KIRREL1: variants seen among roughly 807,000 people sequenced by gnomAD.
KIRREL1 encodes kirre like nephrin family adhesion molecule 1.
KIRREL1 carries 25 observed loss-of-function variants against 83.3 expected under a neutral mutation model. The ratio of observed to expected loss-of-function variants is 0.30; its 90% confidence interval spans 0.22 to 0.42. KIRREL1 has a LOEUF of 0.42. KIRREL1 is among the 10% of genes least tolerant of loss of function. The pLI, the probability that KIRREL1 is intolerant of heterozygous loss-of-function variation, is 1.00. For synonymous variants in KIRREL1, 388 were observed against 410.4 expected, an observed-to-expected ratio of 0.95 and a Z score of 0.66; for missense variants, 812 against 1,032.3, an observed-to-expected ratio of 0.79 and a Z score of 2.92.
At chr1:158,031,122 A>G (rs1280367864) in intron 1 of KIRREL1, 2 of 152,204 alleles carry the variant, frequency 1.3e-5, no homozygotes, top group Non-Finnish European at 2.9e-5. Flanking sequence ...ACATCATCGG[A>G]ACAGGGATAT....
At chr1:158,075,364 A>G (rs1013022758) in intron 1 of KIRREL1, among the ~76,000 whole-genome samples, 1 of 152,218 alleles carries the variant, frequency 6.6e-6, no homozygotes, top group African/African-American at 2.4e-5. Context: ...CAGCTCCCAC[A>G]GTGAAGGAGG....
chr1:157,994,942 C>T (rs1358100266), intron 1 of KIRREL1, among the ~76,000 whole-genome samples: 2 of 152,128 alleles, frequency 1.3e-5, no homozygotes, highest in African/African-American at 2.4e-5. Flanking sequence ...TGTATGCAGG[C>T]GTTTACAAGG....
chr1:158,022,796 A>G (rs1660036577), intron 1 of KIRREL1, among the ~76,000 whole-genome samples: 1 of 152,192 alleles, frequency 6.6e-6, no homozygotes, highest in Non-Finnish European at 1.5e-5. Context: ...TCCTCTCCAC[A>G]TCTGCATCTG....
At chr1:158,010,688 T>G (rs1393008354) in intron 1 of KIRREL1, among the ~76,000 whole-genome samples, 3 of 152,172 alleles carry the variant, frequency 2.0e-5, no homozygotes, top group Non-Finnish European at 1.5e-5. Flanking sequence ...CTGGGAACTT[T>G]TGCCAGCAAG....
intron 1 of KIRREL1, among the ~76,000 whole-genome samples, chr1:158,071,522 C>T (rs370740774): frequency 2.6e-4 from 40 of 152,326 alleles, no homozygotes; most frequent in African/African-American, 6.7e-4. Flanking sequence ...AAAACATACG[C>T]GCAGAATCTC....
chr1:158,058,513 A>G (rs957551113), intron 1 of KIRREL1, among the ~76,000 whole-genome samples: 3 of 152,022 alleles, frequency 2.0e-5, no homozygotes, highest in African/African-American at 7.2e-5. Flanking sequence ...CCCCTCCCTC[A>G]AAGTGACCCC....
intron 8 of KIRREL1, 24 bp downstream of exon 8, chr1:158,088,478 T>TA (rs1280842209): frequency 1.2e-5 from 2 of 168,916 alleles, no homozygotes; most frequent in South Asian, 1.1e-4. Context: ...TGCCTGTTCT[T>TA]TTTTTTTTTT....
intron 1 of KIRREL1, among the ~76,000 whole-genome samples, chr1:158,054,953 T>G (rs1193064313): frequency 6.6e-6 from 1 of 152,018 alleles, no homozygotes; most frequent in African/African-American, 2.4e-5. Context: ...GGGCGGTGCA[T>G]TTTTATTGAG....
At chr1:158,002,659 T>C (rs1047590089) in intron 1 of KIRREL1, among the ~76,000 whole-genome samples, 4 of 152,106 alleles carry the variant, frequency 2.6e-5, no homozygotes, top group African/African-American at 9.7e-5. Flanking sequence ...TATAAACACA[T>C]ATTGACAATT....
rs146618351 is a variant in KIRREL1 at position 158,078,019 on chromosome 1, C to A, written c.231C>A (p.Ser77=). ...GGCCACGGTACCGGGTTGTGGGCTCCGCAGACGCTGGGCAGTACAACCTGG... is the reference window on the plus strand; with the variant it reads ...GGCCACGGTACCGGGTTGTGGGCTCAGCAGACGCTGGGCAGTACAACCTGG... The part of the protein sequence containing the change: ...KAWPRYRVVG[S]ADAGQYNLEI... Residue 77 remains serine (S), a synonymous_variant, in exon 3 of 15, where the codon TCC becomes TCA. Transcript: ENST00000359209. 31 of 1,614,172 alleles carry A rather than the reference C, an allele frequency of 1.9e-5. No homozygotes were observed. Among genetic ancestry groups the A allele is most frequent in the Non-Finnish European group, 2.5e-5 (30 of 1,180,028 alleles).
intron 1 of KIRREL1, among the ~76,000 whole-genome samples, chr1:157,994,909 A>C (rs1659152791): frequency 6.6e-6 from 1 of 152,148 alleles, no homozygotes; most frequent in African/African-American, 2.4e-5. Context: ...ATCCACCCGA[A>C]CGTTACAACT....
intron 1 of KIRREL1, among the ~76,000 whole-genome samples, chr1:158,057,976 G>A (rs1192859850): frequency 6.6e-6 from 1 of 152,212 alleles, no homozygotes; most frequent in Non-Finnish European, 1.5e-5. Context: ...GTAAAGAGAA[G>A]AAGCCCTTTG....
Position 158,087,807 on chromosome 1 carries a change from G to T in KIRREL1, c.714G>T (p.Glu238Asp). Residue 238 changes from glutamate to aspartate, a missense_variant, in exon 6 of 15, where the codon GAG becomes GAT. Glu to Asp is a conservative substitution (Grantham distance 45). This residue lies in a region of KIRREL1 where 472 missense variants were observed against 626.8 expected (regional missense o/e 0.75). Transcript: ENST00000359209. ...AGCCACAGACGGTGCAGGAGGGTGAGCGTGTTGTCTTTACCTGCCAGGCCA... is the reference window on the plus strand; with the variant it reads ...AGCCACAGACGGTGCAGGAGGGTGATCGTGTTGTCTTTACCTGCCAGGCCA... ...SIEPQTVQEG[E>D]RVVFTCQATA... 1 of 1,614,138 alleles carries T rather than the reference G, an allele frequency of 6.2e-7. No individual in the cohort carries two copies. The highest frequency in any genetic ancestry group is 8.5e-7 in the Non-Finnish European group (1 of 1,180,014).
intron 4 of KIRREL1, among the ~76,000 whole-genome samples, chr1:158,084,992 C>A (rs1661976407): frequency 6.6e-6 from 1 of 152,208 alleles, no homozygotes; most frequent in East Asian, 1.9e-4. Flanking sequence ...ACAGCTGGCA[C>A]AGAGCGGGGG....
chr1:158,029,347 G>GTC (rs1443854986), intron 1 of KIRREL1, among the ~76,000 whole-genome samples: 12 of 148,890 alleles, frequency 8.1e-5, no homozygotes, highest in Admixed American at 6.7e-4. Context: ...CTGTGTGTGT[G>GTC]TGTGTGTGTG....
intron 1 of KIRREL1, among the ~76,000 whole-genome samples, chr1:158,041,113 A>G (rs1156453562): frequency 6.6e-6 from 1 of 152,216 alleles, no homozygotes; most frequent in African/African-American, 2.4e-5. Context: ...TTGGAATACA[A>G]AGATGAATTG....
chr1:158,056,366 A>G (rs1399970296), intron 1 of KIRREL1, among the ~76,000 whole-genome samples: 8 of 152,148 alleles, frequency 5.3e-5, no homozygotes. Context: ...AGCATCCACC[A>G]CCATCTGCAA....
chr1:158,082,930 G>A (rs1015899035), intron 3 of KIRREL1, among the ~76,000 whole-genome samples: 1 of 152,254 alleles, frequency 6.6e-6, no homozygotes, highest in Admixed American at 6.5e-5. Context: ...AACACTGGGG[G>A]GACCAGAAAA....
chr1:158,011,717 A>G (rs1659691888), intron 1 of KIRREL1, among the ~76,000 whole-genome samples: 2 of 152,118 alleles, frequency 1.3e-5, no homozygotes, highest in Admixed American at 1.3e-4. Context: ...TGAAGGAGGG[A>G]ACCAGGAAAT....
Sources: gnomAD v4.1 joint callset for allele counts (sites outside exome capture counted in the v4.1 genomes callset) on GRCh38, gnomAD v4.1.1 for gene constraint, gnomAD v4.1.1 regional missense constraint, MANE v1.5 for transcripts, NCBI Gene and HGNC (gene_info 2026-07-23, HGNC 2026-07-21) for gene names.